SHANK2: variants seen among roughly 807,000 people sequenced by gnomAD.
The protein encoded by SHANK2 is SH3 and multiple ankyrin repeat domains protein 2.
Under a neutral mutation model 133.7 loss-of-function variants are expected in SHANK2, and 43 were observed. The ratio of observed to expected loss-of-function variants is 0.32; its 90% confidence interval spans 0.25 to 0.41. The LOEUF is 0.41. Ranked by LOEUF, SHANK2 falls within the 10% of genes least tolerant of loss-of-function variation. The probability of loss-of-function intolerance (pLI) is 1.00; values close to 1 mark genes in which losing one functional copy is unlikely to be tolerated. For missense variants in SHANK2, 1,994 were observed against 2,235.8 expected, an observed-to-expected ratio of 0.89 and a Z score of 2.18; for synonymous variants, 1,017 against 952.8, an observed-to-expected ratio of 1.07 and a Z score of -1.24.
intron 2 of SHANK2, among the ~76,000 whole-genome samples, chr11:71,164,376 C>A (rs1224698353): frequency 1.3e-5 from 2 of 152,224 alleles, no homozygotes; most frequent in Non-Finnish European, 2.9e-5. Flanking sequence ...TAGGCCACTG[C>A]AGAGAAGACA....
chr11:70,648,420 C>T (rs781875823), intron 17 of SHANK2, among the ~76,000 whole-genome samples: 4 of 152,192 alleles, frequency 2.6e-5, no homozygotes, highest in South Asian at 2.1e-4. Context: ...CCTTGTTATG[C>T]GGACACTGTC....
chr11:70,510,044 A>G (rs1422484197), intron 17 of SHANK2, among the ~76,000 whole-genome samples: 3 of 152,068 alleles, frequency 2.0e-5, no homozygotes, highest in Admixed American at 6.5e-5. Context: ...GCAATTACAT[A>G]TATTGTACCA....
At chr11:70,529,361 G>A (rs1455721768) in intron 17 of SHANK2, among the ~76,000 whole-genome samples, 1 of 152,218 alleles carries the variant, frequency 6.6e-6, no homozygotes, top group African/African-American at 2.4e-5. Context: ...CCACACAGCT[G>A]GTAATGGTGG....
chr11:70,838,931 G>A (rs1396760118), intron 11 of SHANK2, among the ~76,000 whole-genome samples: 2 of 152,160 alleles, frequency 1.3e-5, no homozygotes, highest in African/African-American at 4.8e-5. Context: ...AGGGTGGGGG[G>A]CCCCTCTTCT....
intron 14 of SHANK2, among the ~76,000 whole-genome samples, chr11:70,719,703 C>T (rs918003069): frequency 6.6e-5 from 10 of 151,800 alleles, no homozygotes; most frequent in South Asian, 2.1e-4. Context: ...GCAGAAGCTG[C>T]GGAGACAGGA....
At chr11:70,594,284 G>A (rs73523823) in intron 17 of SHANK2, among the ~76,000 whole-genome samples, 3,382 of 152,278 alleles carry the variant, frequency 0.022, 124 homozygotes, top group African/African-American at 0.077. Context: ...ACGAAAGATC[G>A]CGTTACGTGA....
At chr11:71,124,027 T>C (rs1952125313) in intron 3 of SHANK2, among the ~76,000 whole-genome samples, 2 of 150,860 alleles carry the variant, frequency 1.3e-5, no homozygotes, top group Admixed American at 6.6e-5. Flanking sequence ...ATGGTGATGA[T>C]GGTGGTGGTA....
chr11:70,659,746 G>C, intron 17 of SHANK2, 82 bp downstream of exon 17: 1 of 1,566,044 alleles, frequency 6.4e-7, no homozygotes, highest in Non-Finnish European at 8.8e-7. Context: ...GGGCCTCGTG[G>C]CTGTGCTGCC....
intron 17 of SHANK2, among the ~76,000 whole-genome samples, chr11:70,546,760 C>T (rs147185556): frequency 2.1e-3 from 318 of 152,320 alleles, no homozygotes; most frequent in African/African-American, 7.0e-3. Context: ...GGGAACAATG[C>T]ATACACCTCC....
intron 25 of SHANK2, among the ~76,000 whole-genome samples, chr11:70,482,883 G>T (rs1591483236): frequency 6.6e-6 from 1 of 152,190 alleles, no homozygotes; most frequent in African/African-American, 2.4e-5. Context: ...CCCTAGAGAC[G>T]CTGCAAGTTG....
chr11:70,693,700 C>T (rs1212059427), intron 15 of SHANK2, among the ~76,000 whole-genome samples: 1 of 152,098 alleles, frequency 6.6e-6, no homozygotes, highest in African/African-American at 2.4e-5. Flanking sequence ...ATAGTCAGAT[C>T]TTGATAAATA....
chr11:70,574,436 G>A (rs542406543), intron 17 of SHANK2, among the ~76,000 whole-genome samples: 140 of 152,326 alleles, frequency 9.2e-4, no homozygotes, highest in African/African-American at 3.3e-3. Context: ...CTCCATCCCA[G>A]CACTGCAACT....
chr11:70,472,599 CGGCAGGCTGAGA>C lies in SHANK2; in HGVS notation c.*258_*269del, dbSNP rs1475418079. 2.2e-5 allele frequency: 11 copies of C among 504,400 alleles called. No individual in the cohort carries two copies. The highest frequency in any genetic ancestry group is 2.1e-4 in the African/African-American group (11 of 51,758). 31.2% of individuals were successfully genotyped at this position (504,400 alleles called of 1,614,324 possible). On this transcript the variant is annotated 3_prime_UTR_variant, in exon 26 of 26. Coordinates refer to ENST00000601538, the MANE Select transcript of SHANK2 (RefSeq NM_012309.5). The surrounding 1 kb of genome is among the most constrained non-coding windows in gnomAD (Gnocchi z 4.4). ...AAAGCGAGGCCACCTGCATGCTGGG[CGGCAGGCTGAGA>C]ATCTTTTTCCATGTTAGAAAAACTC...
At chr11:71,130,904 C>T (rs1449073702) in intron 3 of SHANK2, among the ~76,000 whole-genome samples, 13 of 152,156 alleles carry the variant, frequency 8.5e-5, no homozygotes, top group African/African-American at 2.9e-4. Context: ...TTAGGAAAGC[C>T]GGAAAAAACT....
intron 9 of SHANK2, among the ~76,000 whole-genome samples, 177 bp downstream of exon 9, chr11:71,074,982 T>C (rs1443962253): frequency 7.2e-5 from 11 of 152,036 alleles, no homozygotes; most frequent in Admixed American, 2.6e-4. Context: ...GGTTTCACCA[T>C]GTTAGCAGGA....
In SHANK2 at chr11:70,896,414, G is replaced by A. The variant is rs868924102; in HGVS notation, c.1174+87C>T. 8 of 636,510 alleles carry A rather than the reference G, an allele frequency of 1.3e-5. No homozygotes were observed. In the Middle Eastern group the frequency reaches 1.5e-3, roughly 118 times the overall value. 39.4% of individuals were successfully genotyped at this position (636,510 alleles called of 1,614,324 possible). Reference sequence around the variant, plus strand: ...AAAGCAGGCTCTAAACCAATCTTAGGAGAATTTTAAAAAGCTGGTGAGTGA... The same window carrying A: ...AAAGCAGGCTCTAAACCAATCTTAGAAGAATTTTAAAAAGCTGGTGAGTGA... On this transcript the variant is annotated intron_variant, in intron 11 of 25. Coordinates refer to ENST00000601538, the MANE Select transcript of SHANK2 (RefSeq NM_012309.5).
intron 15 of SHANK2, among the ~76,000 whole-genome samples, chr11:70,681,405 G>A (rs1389426808): frequency 6.6e-6 from 1 of 152,166 alleles, no homozygotes; most frequent in Non-Finnish European, 1.5e-5. Context: ...CAAGGTTAAA[G>A]GGTCTATCAG....
intron 11 of SHANK2, among the ~76,000 whole-genome samples, chr11:70,893,635 C>T (rs1555075141): frequency 6.6e-6 from 1 of 152,218 alleles, no homozygotes; most frequent in Non-Finnish European, 1.5e-5. Flanking sequence ...CCTTAGATGA[C>T]TCAGATGAAA....
intron 10 of SHANK2, among the ~76,000 whole-genome samples, chr11:70,927,271 C>A (rs1950442000): frequency 6.6e-6 from 1 of 152,078 alleles, no homozygotes; most frequent in Admixed American, 6.6e-5. Flanking sequence ...ACTCTGAATT[C>A]CATTTAAATA....
Sources: allele counts gnomAD v4.1 joint callset (sites outside exome capture counted in the v4.1 genomes callset), GRCh38; gene constraint gnomAD v4.1.1; non-coding constraint Gnocchi (gnomAD v3.1); transcripts MANE v1.5; gene names NCBI Gene and HGNC (gene_info 2026-07-23, HGNC 2026-07-21).